Variants in RETREG3 observed in about 807,000 individuals in gnomAD.
RETREG3 encodes the protein reticulophagy regulator 3.
A neutral mutation model predicts 50.2 loss-of-function variants in RETREG3; 23 were observed. The ratio of observed to expected loss-of-function variants is 0.46; its 90% confidence interval spans 0.33 to 0.65. The LOEUF is 0.65. Ranked by LOEUF, RETREG3 falls within the 30% of genes least tolerant of loss-of-function variation. The probability of loss-of-function intolerance (pLI) is 0.02; values close to 1 mark genes in which losing one functional copy is unlikely to be tolerated. For missense variants in RETREG3, 546 were observed against 598.0 expected (o/e 0.91, Z 0.91); for synonymous variants, 240 against 234.4 (o/e 1.02, Z -0.22).
In RETREG3 at chr17:42,586,774, G is replaced by A. The variant is rs189259624; in HGVS notation, c.495C>T (p.Asn165=). Residue 165 remains asparagine, a synonymous_variant, in exon 4 of 9, where the codon AAC becomes AAT. Coordinates refer to ENST00000309428, the MANE Select transcript of RETREG3 (RefSeq NM_178126.4). ...IRNVLLFKKQ[N]PGKFCLLSCG... ...AAGGGAAGAGTCTTACCTTGCCTGG[G>A]TTTTGCTTTTTGAAAAGCAAAACAT... The A allele has an allele frequency of 1.9e-6, 3 of 1,613,852 alleles. No homozygotes were observed. In the African/African-American group the frequency reaches 4.0e-5, roughly 22 times the overall value.
intron 1 of RETREG3, among the ~76,000 whole-genome samples, chr17:42,601,380 G>T (rs1284402769): frequency 6.6e-6 from 1 of 151,654 alleles, no homozygotes; most frequent in Non-Finnish European, 1.5e-5. Flanking sequence ...AGACCATCCT[G>T]GCTAACACGG....
At chr17:42,604,626 T>C (rs2093164348) in intron 1 of RETREG3, among the ~76,000 whole-genome samples, 1 of 143,862 alleles carries the variant, frequency 7.0e-6, no homozygotes, top group South Asian at 2.1e-4. Context: ...GCTATGATTG[T>C]GCCACTGCAC....
intron 1 of RETREG3, among the ~76,000 whole-genome samples, chr17:42,604,945 T>C (rs777686297): frequency 2.0e-5 from 3 of 151,978 alleles, no homozygotes; most frequent in Admixed American, 6.6e-5. Context: ...ACAGATGAGG[T>C]TGAGACTAAT....
At chr17:42,586,707 T>A in intron 4 of RETREG3, 58 bp downstream of exon 4, 3 of 1,582,136 alleles carry the variant, frequency 1.9e-6, no homozygotes, top group Non-Finnish European at 2.6e-6. Context: ...GCTGTTTCAG[T>A]TTAGCATGAA....
At chr17:42,600,129 T>A (rs2093155885) in intron 1 of RETREG3, among the ~76,000 whole-genome samples, 1 of 151,920 alleles carries the variant, frequency 6.6e-6, no homozygotes, top group African/African-American at 2.4e-5. Flanking sequence ...AAGCCTGTAA[T>A]CCCAATACTT....
chr17:42,609,212 G>A lies in RETREG3; in HGVS notation c.113C>T (p.Ala38Val), dbSNP rs1209747520. ...SWERDQQVEA[A>V]QRALVEVLGP... is the part of the protein sequence containing the mutation. Reference sequence around the variant, plus strand: ...CAGCACCTCCACCAGGGCCCGCTGCGCCGCCTCAACCTGCTGGTCCCGCTC... The same window carrying A: ...CAGCACCTCCACCAGGGCCCGCTGCACCGCCTCAACCTGCTGGTCCCGCTC... The change falls in exon 1 of 9, where the codon GCG becomes GTG. Residue 38 changes from alanine (A) to valine (V), a missense_variant. Physicochemically the swap from Ala to Val is moderately conservative, Grantham distance 64 (BLOSUM62 0). Coordinates refer to ENST00000309428, the MANE Select transcript of RETREG3 (RefSeq NM_178126.4). 5 of 1,608,490 alleles carry A rather than the reference G, an allele frequency of 3.1e-6. No individual in the cohort carries two copies. The highest frequency in any genetic ancestry group is 4.2e-6 in the Non-Finnish European group (5 of 1,179,732).
At chr17:42,594,003 C>T (rs1349715766) in intron 1 of RETREG3, among the ~76,000 whole-genome samples, 3 of 151,994 alleles carry the variant, frequency 2.0e-5, no homozygotes, top group African/African-American at 7.3e-5. Flanking sequence ...CAAGCCTCGG[C>T]AACATGGGGA....
chr17:42,586,498 G>A (rs1377897888), intron 4 of RETREG3: 2 of 416,984 alleles, frequency 4.8e-6, no homozygotes, highest in East Asian at 4.3e-5. Flanking sequence ...ATATGACACA[G>A]AATGTACACA....
chr17:42,586,925 G>C (rs2093122577), intron 3 of RETREG3, 34 bp from the exon 4 acceptor site: 2 of 1,608,092 alleles, frequency 1.2e-6, no homozygotes, highest in Non-Finnish European at 1.7e-6. Flanking sequence ...TGTGAAAGGA[G>C]GGTGTTGAGG....
At chr17:42,585,792 C>A (rs905707516) in intron 5 of RETREG3, among the ~76,000 whole-genome samples, 2 of 152,168 alleles carry the variant, frequency 1.3e-5, no homozygotes, top group African/African-American at 2.4e-5. Flanking sequence ...CAGGGACAGG[C>A]AGTCCTTTAT....
intron 3 of RETREG3, 51 bp from the exon 4 acceptor site, chr17:42,586,942 C>T: frequency 6.2e-7 from 1 of 1,602,826 alleles, no homozygotes; most frequent in Non-Finnish European, 8.5e-7. Context: ...GAGGGTCCCC[C>T]CATCTTGCTG....
Position 42,581,748 on chromosome 17 carries a change from T to C in RETREG3, c.*65A>G. ...GGAGCTGAGTTCTTCCCTTGCCCCA[T>C]CACCTTAAGTGGGATGGGGAGAAAA... On this transcript the variant is annotated 3_prime_UTR_variant, in exon 9 of 9. Coordinates refer to ENST00000309428, the MANE Select transcript of RETREG3 (RefSeq NM_178126.4). 1 of 1,426,216 alleles carries C rather than the reference T, an allele frequency of 7.0e-7. No individual in the cohort carries two copies. 88.3% of individuals were successfully genotyped at this position (1,426,216 alleles called of 1,614,324 possible). A position where few individuals can be genotyped will look rare whatever the true frequency, so the allele number is the denominator to read the frequency against.
chr17:42,597,349 C>T (rs1192022337), intron 1 of RETREG3, among the ~76,000 whole-genome samples: 1 of 149,494 alleles, frequency 6.7e-6, no homozygotes, highest in Non-Finnish European at 1.5e-5. Flanking sequence ...CCGCTACGCC[C>T]AGCTAATTTT....
At chr17:42,601,429 C>T (rs1266131123) in intron 1 of RETREG3, among the ~76,000 whole-genome samples, 1 of 146,110 alleles carries the variant, frequency 6.8e-6, no homozygotes, top group Non-Finnish European at 1.5e-5. Flanking sequence ...AAAAATTAGC[C>T]GGGAGTGGTG....
intron 3 of RETREG3, among the ~76,000 whole-genome samples, chr17:42,587,155 G>A (rs181119739): frequency 0.044 from 6,754 of 152,196 alleles, 508 homozygotes; most frequent in African/African-American, 0.16. Flanking sequence ...CCAGCTCCAA[G>A]GCCCTTTGTG....
intron 1 of RETREG3, among the ~76,000 whole-genome samples, chr17:42,606,975 C>CA (rs1400373714): frequency 6.6e-6 from 1 of 151,938 alleles, no homozygotes; most frequent in Non-Finnish European, 1.5e-5. Flanking sequence ...CCAGCCTGGG[C>CA]AACAAGAGCC....
At position 42,587,310 on chromosome 17, in the gene RETREG3, T is replaced by G. The variant is rs187038973; in HGVS notation, c.378-419A>C. ...ATGTGCCCCTTAGAAAGAAAATAAA[T>G]AAAGCAAAACCAAAATAAACCACAG... On this transcript the variant is annotated intron_variant, in intron 3 of 8. Transcript: ENST00000309428. Among the ~76,000 whole-genome samples the G allele has an allele frequency of 1.1e-4, 17 of 152,182 alleles. No homozygotes were observed. In the East Asian group the frequency reaches 2.7e-3, roughly 24 times the overall value.
intron 1 of RETREG3, among the ~76,000 whole-genome samples, chr17:42,596,182 A>AATATAT (rs1388276695): frequency 6.6e-6 from 1 of 151,376 alleles, no homozygotes; most frequent in Non-Finnish European, 1.5e-5. Context: ...CAGCCTGGAC[A>AATATAT]ATATAGTGAG....
upstream of RETREG3, chr17:42,609,397 G>A: frequency 1.4e-6 from 2 of 1,472,914 alleles, no homozygotes; most frequent in Non-Finnish European, 1.8e-6. Flanking sequence ...GCAGATGCGC[G>A]ATTCGGCGGG....
Sources: gnomAD v4.1 joint callset for allele counts (sites outside exome capture counted in the v4.1 genomes callset) on GRCh38, gnomAD v4.1.1 for gene constraint, MANE v1.5 for transcripts, NCBI Gene and HGNC (gene_info 2026-07-23, HGNC 2026-07-21) for gene names.